Variants in TRAFD1 observed in about 807,000 individuals in gnomAD.
TRAFD1 encodes TRAF-type zinc finger domain-containing protein 1.
A neutral mutation model predicts 65.3 loss-of-function variants in TRAFD1; 38 were observed. The ratio of observed to expected loss-of-function variants is 0.58; its 90% CI spans 0.45 to 0.76. TRAFD1 has a LOEUF of 0.76. Among genes scored for constraint, TRAFD1 ranks in the 30% least tolerant of loss-of-function variants. The pLI, the probability that TRAFD1 is intolerant of heterozygous loss-of-function variation, is 0.00. For synonymous variants in TRAFD1, 223 were observed against 257.2 expected, an observed-to-expected ratio of 0.87 and a Z score of 1.27; for missense variants, 631 against 712.6, an observed-to-expected ratio of 0.89 and a Z score of 1.30.
intron 1 of TRAFD1, among the ~76,000 whole-genome samples, chr12:112,127,503 C>T (rs60545071): frequency 6.6e-6 from 1 of 151,918 alleles, no homozygotes; most frequent in South Asian, 2.1e-4. Flanking sequence ...TCTGTCACCC[C>T]GGCTGGAGTG....
rs1316312607 is a variant in TRAFD1, at chr12:112,130,395, T to G, written c.-12-116T>G. 8 of 651,024 alleles carry G rather than the reference T, an allele frequency of 1.2e-5. No individual in the cohort carries two copies. The highest frequency in any genetic ancestry group is 2.1e-5 in the Non-Finnish European group (8 of 381,666). The allele number at this position is 651,024 out of a possible 1,614,324, so 40.3% of individuals were successfully genotyped here. ...GGACTGGATATTGAATAAAATGCTTTAACATGCAGGTTTGGGTGACAGTTT... is the reference window on the plus strand; with the variant it reads ...GGACTGGATATTGAATAAAATGCTTGAACATGCAGGTTTGGGTGACAGTTT... On this transcript the variant is annotated intron_variant, in intron 1 of 11. Transcript: ENST00000412615. The surrounding 1 kb of genome is among the most constrained non-coding windows in gnomAD (Gnocchi z 4.4).
chr12:112,150,449 A>G (rs1300459598), intron 9 of TRAFD1, among the ~76,000 whole-genome samples: 3 of 152,064 alleles, frequency 2.0e-5, no homozygotes, highest in Non-Finnish European at 4.4e-5. Flanking sequence ...GGGTCTTGCT[A>G]TGTTGCCCAG....
Position 112,134,862 on chromosome 12 carries a change from G to A in TRAFD1, c.172G>A (p.Glu58Lys). ...KSDMETHMAA[E>K]HCQVTCKCNK... ...TGACATGGAGACTCACATGGCTGCAGAACACTGTCAGGTGAGCCACCAAGT... is the reference window on the plus strand; with the variant it reads ...TGACATGGAGACTCACATGGCTGCAAAACACTGTCAGGTGAGCCACCAAGT... Residue 58 changes from glutamate (E) to lysine (K), a missense_variant, in exon 3 of 12, where the codon GAA becomes AAA. Transcript: ENST00000412615. 6.2e-7 allele frequency: 1 copy of A among 1,613,096 alleles called. No individual in the cohort carries two copies. Among genetic ancestry groups the A allele is most frequent in the Non-Finnish European group, 8.5e-7 (1 of 1,179,038 alleles).
intron 4 of TRAFD1, 74 bp from the exon 5 acceptor site, chr12:112,140,745 G>A (rs919275609): frequency 2.4e-5 from 37 of 1,542,814 alleles, no homozygotes; most frequent in Admixed American, 9.3e-5. Context: ...GATACTCTTG[G>A]CTTTCCTTGC....
chr12:112,140,725 G>T, intron 4 of TRAFD1, 94 bp from the exon 5 acceptor site: 1 of 1,421,274 alleles, frequency 7.0e-7, no homozygotes, highest in Non-Finnish European at 9.6e-7. Context: ...TGGAAGAGAA[G>T]ATTGCAGTAG....
At chr12:112,141,989 G>A (rs538913812) in intron 5 of TRAFD1, 100 bp from the exon 6 acceptor site, 4 of 1,309,954 alleles carry the variant, frequency 3.1e-6, no homozygotes, top group South Asian at 2.7e-5. Context: ...ATTCCTTCCC[G>A]GATGCCTGTA....
At chr12:112,140,759 A>T in intron 4 of TRAFD1, 60 bp from the exon 5 acceptor site, 1 of 1,586,858 alleles carries the variant, frequency 6.3e-7, no homozygotes, top group Non-Finnish European at 8.6e-7. Flanking sequence ...TCCTTGCCCT[A>T]TACTAAAACA....
chr12:112,137,561 G>A lies in TRAFD1; in HGVS notation c.237+2495G>A, dbSNP rs912010550. ...GCGGATCACGAGGTCAGAAGATTGAGACCATCCTGGCTAATACGGTGAAAC... is the reference window on the plus strand; with the variant it reads ...GCGGATCACGAGGTCAGAAGATTGAAACCATCCTGGCTAATACGGTGAAAC... On this transcript the variant is annotated intron_variant, in intron 4 of 11. Transcript: ENST00000412615. This position sits in a 1 kb window ranked among gnomAD's most constrained non-coding sequence, Gnocchi z 4.2. Among the ~76,000 whole-genome samples, 8 of 151,918 alleles carry A rather than the reference G, an allele frequency of 5.3e-5. No homozygotes were observed. Among genetic ancestry groups the A allele is most frequent in the African/African-American group, 1.9e-4 (8 of 41,354 alleles).
At chr12:112,147,440 T>C (rs2030282903) in intron 7 of TRAFD1, among the ~76,000 whole-genome samples, 1 of 152,174 alleles carries the variant, frequency 6.6e-6, no homozygotes, top group African/African-American at 2.4e-5. Flanking sequence ...TGAATACATG[T>C]AGTTTTTGTT....
Position 112,145,642 on chromosome 12 carries a change from G to C in TRAFD1, c.907G>C (p.Glu303Gln). ...ATTTTGTGAGGAGCTCTACCCAGAGGAACTGCTGATTGACCATCAGGTGTG... is the reference window on the plus strand; with the variant it reads ...ATTTTGTGAGGAGCTCTACCCAGAGCAACTGCTGATTGACCATCAGGTGTG... ...CEFCEELYPE[E>Q]LLIDHQTSCN... The change falls in exon 7 of 12, where the codon GAA (glutamate) becomes CAA (glutamine). Residue 303 changes from glutamate to glutamine, a missense_variant. Glu to Gln is a conservative substitution (Grantham distance 29). Coordinates refer to ENST00000412615, the MANE Select transcript of TRAFD1 (RefSeq NM_006700.3). 2 of 1,614,140 alleles carry C rather than the reference G, an allele frequency of 1.2e-6. No individual in the cohort carries two copies. The highest frequency in any genetic ancestry group is 2.2e-5 in the South Asian group (2 of 91,076).
Position 112,130,393 on chromosome 12 carries a change from T to C in TRAFD1, c.-12-118T>C. The stretch of plus-strand genomic sequence containing the variant: ...AGGGACTGGATATTGAATAAAATGC[T>C]TTAACATGCAGGTTTGGGTGACAGT... On this transcript the variant is annotated intron_variant, in intron 1 of 11. Transcript: ENST00000412615. This position sits in a 1 kb window ranked among gnomAD's most constrained non-coding sequence, Gnocchi z 4.4. The C allele has an allele frequency of 1.6e-6, 1 of 640,762 alleles. No homozygotes were observed. Among genetic ancestry groups the C allele is most frequent in the South Asian group, 2.2e-5 (1 of 46,232 alleles). The allele number at this position is 640,762 out of a possible 1,614,324, so 39.7% of individuals were successfully genotyped here.
intron 7 of TRAFD1, among the ~76,000 whole-genome samples, chr12:112,147,721 G>T (rs2030289513): frequency 6.6e-6 from 1 of 151,036 alleles, no homozygotes; most frequent in Non-Finnish European, 1.5e-5. Flanking sequence ...ACCCAGGCTG[G>T]AGTGCAGTGG....
chr12:112,138,314 C>A lies in TRAFD1; in HGVS notation c.238-2505C>A, dbSNP rs7133448. 8.5e-3 allele frequency among the ~76,000 whole-genome samples: 1,294 copies of A among 152,228 alleles called. 3 individuals carry two copies. Among genetic ancestry groups the A allele is most frequent in the Non-Finnish European group, 0.013 (902 of 68,008 alleles). On this transcript the variant is annotated intron_variant, in intron 4 of 11. Coordinates refer to ENST00000412615, the MANE Select transcript of TRAFD1 (RefSeq NM_006700.3). Reference sequence around the variant, plus strand: ...CCTGTAATCCCAGCACTTTTGGAGGCAGAGGAGGGCGGGTCACTTGAGGTC... The same window carrying A: ...CCTGTAATCCCAGCACTTTTGGAGGAAGAGGAGGGCGGGTCACTTGAGGTC...
chr12:112,152,712 G>C lies in TRAFD1; in HGVS notation c.1693-23G>C, dbSNP rs773624177. 15 of 1,614,036 alleles carry C rather than the reference G, an allele frequency of 9.3e-6. No individual in the cohort carries two copies. The highest frequency in any genetic ancestry group is 1.3e-5 in the Non-Finnish European group (15 of 1,180,038). On this transcript the variant is annotated intron_variant, in intron 11 of 11. Transcript: ENST00000412615. The surrounding 1 kb of genome is among the most constrained non-coding windows in gnomAD (Gnocchi z 5.0). ...TTTTTCACTTTTTATGTAAAGCTTCGTTTGTGTTGTGTTGTTCACCAGGCA... is the reference window on the plus strand; with the variant it reads ...TTTTTCACTTTTTATGTAAAGCTTCCTTTGTGTTGTGTTGTTCACCAGGCA...
intron 1 of TRAFD1, among the ~76,000 whole-genome samples, chr12:112,127,124 T>G (rs1003294479): frequency 1.2e-4 from 18 of 152,348 alleles, no homozygotes; most frequent in African/African-American, 4.3e-4. Context: ...TTCTCTTTCA[T>G]TGCTTTTAGG....
At chr12:112,142,505 T>G (rs2030122844) in intron 6 of TRAFD1, among the ~76,000 whole-genome samples, 1 of 151,968 alleles carries the variant, frequency 6.6e-6, no homozygotes, top group South Asian at 2.1e-4. Context: ...AACCTCTGCC[T>G]TCTGGGTTCA....
At chr12:112,144,105 GT>G (rs2030168038) in intron 6 of TRAFD1, among the ~76,000 whole-genome samples, 1 of 152,056 alleles carries the variant, frequency 6.6e-6, no homozygotes, top group African/African-American at 2.4e-5. Flanking sequence ...AGCAAAAACT[GT>G]TTCTTTGCTA....
chr12:112,148,385 T>A, intron 8 of TRAFD1, 81 bp downstream of exon 8: 2 of 1,206,300 alleles, frequency 1.7e-6, no homozygotes, highest in South Asian at 1.4e-5. Context: ...TTCCTTAGCC[T>A]TTAAGTTGCA....
chr12:112,139,269 G>C (rs2030015675), intron 4 of TRAFD1, among the ~76,000 whole-genome samples: 1 of 151,952 alleles, frequency 6.6e-6, no homozygotes, highest in Non-Finnish European at 1.5e-5. Flanking sequence ...AGGATTGCTT[G>C]AGCCCAGGAG....
Sources: gnomAD v4.1 joint callset for allele counts (sites outside exome capture counted in the v4.1 genomes callset) on GRCh38, gnomAD v4.1.1 for gene constraint, Gnocchi (gnomAD v3.1) non-coding constraint, MANE v1.5 for transcripts, NCBI Gene and HGNC (gene_info 2026-07-23, HGNC 2026-07-21) for gene names.